The following SIMC1 variants were observed in gnomAD, a reference collection of about 807,000 sequenced individuals.
SIMC1 encodes SUMO-interacting motif-containing protein 1.
A neutral mutation model predicts 82.3 loss-of-function variants in SIMC1; 55 were observed. That is an observed-to-expected ratio of 0.67 (90% CI 0.54 to 0.84). SIMC1 has a LOEUF of 0.84. Ranked by LOEUF, SIMC1 falls within the 40% of genes least tolerant of loss-of-function variation. The pLI, the probability that SIMC1 is intolerant of heterozygous loss-of-function variation, is 0.00. For missense variants in SIMC1, 915 were observed against 1,107.2 expected, an observed-to-expected ratio of 0.83 and a Z score of 2.46; for synonymous variants, 353 against 426.3, an observed-to-expected ratio of 0.83 and a Z score of 2.12.
intron 5 of SIMC1, among the ~76,000 whole-genome samples, chr5:176,319,721 C>T (rs774549894): frequency 2.0e-5 from 3 of 152,062 alleles, no homozygotes; most frequent in Non-Finnish European, 2.9e-5. Flanking sequence ...CATGTCATCT[C>T]GTATCTTTGA....
At chr5:176,327,035 G>A (rs1437407320) in intron 7 of SIMC1, among the ~76,000 whole-genome samples, 1 of 152,176 alleles carries the variant, frequency 6.6e-6, no homozygotes, top group African/African-American at 2.4e-5. Context: ...AGAAGAAAGT[G>A]CACATGAATA....
chr5:176,317,924 A>G (rs1389552286), intron 5 of SIMC1, among the ~76,000 whole-genome samples: 1 of 152,208 alleles, frequency 6.6e-6, no homozygotes, highest in Non-Finnish European at 1.5e-5. Context: ...AGATTTGTTG[A>G]AAATGAAAGC....
chr5:176,276,369 C>G (rs1162120467), intron 1 of SIMC1, among the ~76,000 whole-genome samples: 2 of 150,754 alleles, frequency 1.3e-5, no homozygotes, highest in Non-Finnish European at 3.0e-5. Context: ...CTCTTTTTTT[C>G]TTTATTAGTC....
chr5:176,305,139 G>GGGGGC (rs1764257906), intron 4 of SIMC1, among the ~76,000 whole-genome samples: 1 of 125,766 alleles, frequency 8.0e-6, no homozygotes, highest in Non-Finnish European at 1.8e-5. Flanking sequence ...ATCCAGGAGG[G>GGGGGC]GGGGGGGGTC....
Position 176,290,295 on chromosome 5 carries a change from A to C in SIMC1, c.771A>C (p.Gln257His). 1 of 1,613,588 alleles carries C rather than the reference A, an allele frequency of 6.2e-7. No individual in the cohort carries two copies. Among genetic ancestry groups the C allele is most frequent in the Non-Finnish European group, 8.5e-7 (1 of 1,179,848 alleles). ...GCCCATCACAAACCATGCAGTGCCAACTACCAGCTCTAACTCACCCACCTC... is the reference window on the plus strand; with the variant it reads ...GCCCATCACAAACCATGCAGTGCCACCTACCAGCTCTAACTCACCCACCTC... ...LSCPSQTMQC[Q>H]LPALTHPPQE... The change falls in exon 2 of 10, where the codon CAA becomes CAC. Residue 257 changes from glutamine (Q) to histidine (H), a missense_variant. Transcript: ENST00000429602.
In SIMC1 at chr5:176,290,677, A is replaced by T. The variant is rs140217536; in HGVS notation, c.1153A>T (p.Met385Leu). Residue 385 changes from methionine (M) to leucine (L), a missense_variant, in exon 2 of 10, where the codon ATG (methionine) becomes TTG (leucine). Met to Leu is a conservative substitution (Grantham distance 15, BLOSUM62 2). Around this residue, in one of 2 missense-constraint regions of SIMC1, gnomAD observed 902 missense variants for 1,040.3 expected, o/e 0.87. Coordinates refer to ENST00000429602, the MANE Select transcript of SIMC1 (RefSeq NM_001308195.2). ...TGATGTACAGAACCGTGACATGCCT[A>T]TGGATATCTCAGCTCTGTCCTCTCC... is the stretch of plus-strand genomic sequence containing the variant. The part of the protein sequence containing the change: ...QNDVQNRDMP[M>L]DISALSSPSC... 114 of 1,613,978 alleles carry T rather than the reference A, an allele frequency of 7.1e-5. 1 individual carries two copies. The South Asian group carries it at 1.2e-3, about 17-fold the overall frequency.
In SIMC1 at chr5:176,287,828, T is replaced by C. The variant is rs1164237215; in HGVS notation, c.130-1826T>C. On this transcript the variant is annotated intron_variant, in intron 1 of 9. Coordinates refer to ENST00000429602, the MANE Select transcript of SIMC1 (RefSeq NM_001308195.2). The stretch of plus-strand genomic sequence containing the variant: ...AAATCAAGTATATTTATATTAGCAA[T>C]GGACAATTGGAAAATGAAATAAAAA... Among the ~76,000 whole-genome samples, 3 of 152,120 alleles carry C rather than the reference T, an allele frequency of 2.0e-5. No homozygotes were observed. The East Asian group carries it at 5.8e-4, about 29-fold the overall frequency.
intron 1 of SIMC1, among the ~76,000 whole-genome samples, chr5:176,277,676 GTT>G (rs975785453): frequency 6.6e-6 from 1 of 152,006 alleles, no homozygotes; most frequent in Admixed American, 6.6e-5. Context: ...TGGCTAGCCG[GTT>G]TTCCCAGCAC....
chr5:176,269,987 G>A (rs1762356785), intron 1 of SIMC1, among the ~76,000 whole-genome samples: 1 of 151,422 alleles, frequency 6.6e-6, no homozygotes, highest in Non-Finnish European at 1.5e-5. Flanking sequence ...GAACTCCTGA[G>A]CTCAAGAGAT....
Position 176,324,710 on chromosome 5 carries a change from C to T in SIMC1, c.2124C>T (p.Ala708=), listed in dbSNP as rs144888692. The change falls in exon 7 of 10, where the codon GCC becomes GCT. Residue 708 remains alanine (A), a synonymous_variant. Coordinates refer to ENST00000429602, the MANE Select transcript of SIMC1 (RefSeq NM_001308195.2). ...RTPTCSSNKI[A]EMMFGFVLDI... is the part of the protein sequence containing the mutation. Reference sequence around the variant, plus strand: ...CCACCTGCAGCTCCAATAAAATTGCCGAGATGATGTTTGGGTTTGTGCTGG... The same window carrying T: ...CCACCTGCAGCTCCAATAAAATTGCTGAGATGATGTTTGGGTTTGTGCTGG... The T allele has an allele frequency of 1.3e-4, 202 of 1,602,526 alleles. No homozygotes were observed. The African/African-American group carries it at 2.4e-3, about 19-fold the overall frequency.
At chr5:176,271,286 G>C (rs1301112854) in intron 1 of SIMC1, among the ~76,000 whole-genome samples, 2 of 152,194 alleles carry the variant, frequency 1.3e-5, no homozygotes, top group Non-Finnish European at 2.9e-5. Context: ...TTTGAACCCT[G>C]GAGGCGGAAG....
chr5:176,278,801 C>T (rs1380285277), intron 1 of SIMC1, among the ~76,000 whole-genome samples: 3 of 146,300 alleles, frequency 2.1e-5, no homozygotes, highest in Non-Finnish European at 4.5e-5. Context: ...GGATGAAGCC[C>T]ACTTGATCAT....
intron 2 of SIMC1, chr5:176,294,799 A>C: frequency 2.3e-6 from 1 of 442,158 alleles, no homozygotes; most frequent in Non-Finnish European, 4.0e-6. Flanking sequence ...TGTCTTTACT[A>C]AAAATACAAA....
chr5:176,262,448 ACTC>A (rs201672102), intron 1 of SIMC1, among the ~76,000 whole-genome samples: 1,797 of 152,180 alleles, frequency 0.012, 24 homozygotes, highest in Middle Eastern at 0.037. Flanking sequence ...TCTCCTCACT[ACTC>A]CTTTTCAGCA....
At chr5:176,286,702 A>G (rs1289649525) in intron 1 of SIMC1, among the ~76,000 whole-genome samples, 3 of 152,258 alleles carry the variant, frequency 2.0e-5, no homozygotes, top group Non-Finnish European at 4.4e-5. Flanking sequence ...GGCAACCTAC[A>G]GAATGGGAGA....
At position 176,282,858 on chromosome 5, in the gene SIMC1, C is replaced by T. The variant is rs190729099; in HGVS notation, c.130-6796C>T. ...CCTGATGGAGCTGAAAACCATGACA[C>T]GAGAACTACGTGATGCATGCACAAG... On this transcript the variant is annotated intron_variant, in intron 1 of 9. Transcript: ENST00000429602. Among the ~76,000 whole-genome samples, 40 of 152,256 alleles carry T rather than the reference C, an allele frequency of 2.6e-4. No homozygotes were observed. The East Asian group carries it at 6.2e-3, about 24-fold the overall frequency.
intron 2 of SIMC1, among the ~76,000 whole-genome samples, chr5:176,293,434 CA>C (rs562489299): frequency 2.3e-3 from 305 of 134,394 alleles, no homozygotes; most frequent in East Asian, 2.6e-3. Flanking sequence ...GACCCCATCT[CA>C]AAAAAAAAAA....
rs113083011 is a variant in SIMC1, at chr5:176,285,210, C to T, written c.130-4444C>T. Among the ~76,000 whole-genome samples the T allele has an allele frequency of 3.4e-4, 52 of 152,022 alleles. 1 individual carries two copies. The highest frequency in any genetic ancestry group is 6.8e-3 in the Middle Eastern group (2 of 294). On this transcript the variant is annotated intron_variant, in intron 1 of 9. Coordinates refer to ENST00000429602, the MANE Select transcript of SIMC1 (RefSeq NM_001308195.2). ...AAAAGAGAATTTTAGACCAATATCC[C>T]TGATGAACATTGATGCAAAAATCCT...
At chr5:176,338,691 T>C (rs887655363) in intron 9 of SIMC1, among the ~76,000 whole-genome samples, 1 of 151,956 alleles carries the variant, frequency 6.6e-6, no homozygotes, top group Non-Finnish European at 1.5e-5. Flanking sequence ...CACCTGCCCA[T>C]GATCATATTT....
Sources: gnomAD v4.1 joint callset for allele counts (sites outside exome capture counted in the v4.1 genomes callset) on GRCh38, gnomAD v4.1.1 for gene constraint, gnomAD v4.1.1 regional missense constraint, MANE v1.5 for transcripts, NCBI Gene and HGNC (gene_info 2026-07-23, HGNC 2026-07-21) for gene names.